Variants in PON3 observed in about 807,000 individuals in gnomAD.
The protein encoded by PON3 is serum paraoxonase/lactonase 3.
In PON3, 37 loss-of-function variants were observed where a neutral mutation model predicts 36.3. The observed-to-expected ratio is 1.02, with a 90% CI of 0.78 to 1.34. The LOEUF is 1.34. Among genes scored for constraint, PON3 ranks in the 40% most tolerant of loss-of-function variants. PON3 has a pLI of 0.00. For missense variants in PON3, 415 were observed against 426.5 expected (o/e 0.97, Z 0.24); for synonymous variants, 155 against 154.8 (o/e 1.00, Z -0.01).
chr7:95,377,190 G>T lies in PON3; in HGVS notation c.202-4852C>A, dbSNP rs143697147. ...CAACCTGCGATGCTGCAGCTTGGCA[G>T]GGGGAGGGGCATCCACCATTGCTGA... On this transcript the variant is annotated intron_variant, in intron 3 of 8. Coordinates refer to ENST00000265627, the MANE Select transcript of PON3 (RefSeq NM_000940.3). 4.5e-4 allele frequency among the ~76,000 whole-genome samples: 69 copies of T among 152,316 alleles called. No homozygotes were observed. The East Asian group carries it at 0.012, about 26-fold the overall frequency.
chr7:95,385,111 C>A (rs1809158670), intron 3 of PON3, among the ~76,000 whole-genome samples: 1 of 152,060 alleles, frequency 6.6e-6, no homozygotes, highest in Non-Finnish European at 1.5e-5. Flanking sequence ...GGACAAAAAA[C>A]CAAACACTGC....
chr7:95,378,272 G>A (rs146489613), intron 3 of PON3, among the ~76,000 whole-genome samples: 1,653 of 152,294 alleles, frequency 0.011, 28 homozygotes, highest in South Asian at 0.047. Flanking sequence ...CCAAATCTAC[G>A]TTTGATTGGT....
At chr7:95,368,367 T>G (rs1295433728) in intron 4 of PON3, among the ~76,000 whole-genome samples, 2 of 152,218 alleles carry the variant, frequency 1.3e-5, no homozygotes, top group Non-Finnish European at 2.9e-5. Flanking sequence ...TGAAACACAC[T>G]GGGCACTTTG....
chr7:95,364,228 A>G, intron 5 of PON3, 165 bp from the exon 6 acceptor site: 2 of 651,204 alleles, frequency 3.1e-6, no homozygotes, highest in Non-Finnish European at 2.7e-6. Context: ...ATGATTCTGC[A>G]TTGCCCTGAT....
intron 5 of PON3, chr7:95,364,457 T>C: frequency 3.5e-6 from 1 of 285,660 alleles, no homozygotes; most frequent in African/African-American, 2.2e-5. Context: ...GGCACAGCCA[T>C]GTGACTTGCT....
rs1717973057 is a variant in PON3 at position 95,372,319 on chromosome 7, A to G, written c.221T>C (p.Met74Thr). Residue 74 changes from methionine (M) to threonine (T), a missense_variant, in exon 4 of 9, where the codon ATG becomes ACG. By Grantham distance (81) the Met-to-Thr change is moderately conservative (BLOSUM62 -1). Coordinates refer to ENST00000265627, the MANE Select transcript of PON3 (RefSeq NM_000940.3). ...TGGTTCATCTGGCGCAAAGTTTGGC[A>G]TGCCTGGATATTTTAATCCCTTTTA... is the stretch of plus-strand genomic sequence containing the variant. Reference protein sequence around the residue: ...FISSGLKYPGMPNFAPDEPGK... With the variant: ...FISSGLKYPGTPNFAPDEPGK... 3.1e-6 allele frequency: 5 copies of G among 1,613,942 alleles called. No homozygotes were observed. Among genetic ancestry groups the G allele is most frequent in the Non-Finnish European group, 1.7e-6 (2 of 1,179,884 alleles).
In PON3 at chr7:95,395,639, T is replaced by C. The variant is rs190244844; in HGVS notation, c.74+638A>G. ...GAGGCTTTCGATCCACTCATGAATGTGTATTATCACTTAAAGGTTCTTCTT... is the reference window on the plus strand; with the variant it reads ...GAGGCTTTCGATCCACTCATGAATGCGTATTATCACTTAAAGGTTCTTCTT... On this transcript the variant is annotated intron_variant, in intron 1 of 8. Coordinates refer to ENST00000265627, the MANE Select transcript of PON3 (RefSeq NM_000940.3). Among the ~76,000 whole-genome samples, 585 of 152,284 alleles carry C rather than the reference T, an allele frequency of 3.8e-3. 2 individuals are homozygous for C. Among genetic ancestry groups the C allele is most frequent in the Non-Finnish European group, 5.6e-3 (384 of 68,036 alleles).
chr7:95,394,579 G>T, intron 2 of PON3, 65 bp downstream of exon 2: 3 of 1,408,208 alleles, frequency 2.1e-6, no homozygotes, highest in Non-Finnish European at 3.0e-6. Flanking sequence ...AGCTGGTAGG[G>T]CTCAGTCAGG....
intron 7 of PON3, 129 bp downstream of exon 7, chr7:95,362,631 C>G (rs951566374): frequency 1.4e-6 from 2 of 1,398,782 alleles, no homozygotes; most frequent in East Asian, 2.3e-5. Flanking sequence ...ATTTTAGAAA[C>G]GCATGCATAA....
chr7:95,367,119 G>A (rs1289164441), intron 5 of PON3, among the ~76,000 whole-genome samples: 1 of 152,162 alleles, frequency 6.6e-6, no homozygotes, highest in East Asian at 1.9e-4. Context: ...GAATTTAATT[G>A]AGCACCTTTA....
At chr7:95,387,434 C>A (rs543989856) in intron 3 of PON3, among the ~76,000 whole-genome samples, 2 of 152,132 alleles carry the variant, frequency 1.3e-5, no homozygotes, top group East Asian at 1.9e-4. Flanking sequence ...GGGATGTGAA[C>A]GACCTCTTCA....
intron 2 of PON3, among the ~76,000 whole-genome samples, chr7:95,394,060 C>A (rs1048288257): frequency 6.6e-6 from 1 of 151,994 alleles, no homozygotes; most frequent in Non-Finnish European, 1.5e-5. Flanking sequence ...CCAACATGCC[C>A]GGCTAATTGT....
At chr7:95,382,581 G>A (rs562678357) in intron 3 of PON3, among the ~76,000 whole-genome samples, 69 of 152,294 alleles carry the variant, frequency 4.5e-4, no homozygotes, top group Non-Finnish European at 7.8e-4. Flanking sequence ...ACACATCTAT[G>A]CAAATAAACT....
In PON3 at chr7:95,378,128, C is replaced by T. The variant is rs148435087; in HGVS notation, c.202-5790G>A. Among the ~76,000 whole-genome samples, 749 of 152,010 alleles carry T rather than the reference C, an allele frequency of 4.9e-3. 7 individuals are homozygous for T. The highest frequency in any genetic ancestry group is 0.015 in the African/African-American group (631 of 41,480). On this transcript the variant is annotated intron_variant, in intron 3 of 8. Coordinates refer to ENST00000265627, the MANE Select transcript of PON3 (RefSeq NM_000940.3). The stretch of plus-strand genomic sequence containing the variant: ...TCATGCATGCACAAGCTTCAATAGC[C>T]GATTTGATCAAGTGGAAGAAAGGAT...
intron 5 of PON3, among the ~76,000 whole-genome samples, chr7:95,366,555 C>A (rs999751868): frequency 2.0e-5 from 3 of 152,110 alleles, no homozygotes; most frequent in African/African-American, 7.2e-5. Flanking sequence ...GTTTTGGAGC[C>A]AGTTTTTTAA....
chr7:95,386,745 T>C (rs1231120387), intron 3 of PON3, among the ~76,000 whole-genome samples: 1 of 152,146 alleles, frequency 6.6e-6, no homozygotes, highest in Non-Finnish European at 1.5e-5. Context: ...AAAAAAATAC[T>C]GGCAAACCGA....
In PON3 at chr7:95,390,212, G is replaced by A; in HGVS notation, c.146-3C>T. 6.2e-7 allele frequency: 1 copy of A among 1,609,206 alleles called. No individual in the cohort carries two copies. The highest frequency in any genetic ancestry group is 8.5e-7 in the Non-Finnish European group (1 of 1,175,760). ...ATCAATATCTTCAGAGCCACTTTCTGCAAAAGAAGGGTAGAATCAGAAAAA... is the reference window on the plus strand; with the variant it reads ...ATCAATATCTTCAGAGCCACTTTCTACAAAAGAAGGGTAGAATCAGAAAAA... On this transcript the variant is annotated splice_region_variant and splice_polypyrimidine_tract_variant and intron_variant, in intron 2 of 8. Coordinates refer to ENST00000265627, the MANE Select transcript of PON3 (RefSeq NM_000940.3).
intron 2 of PON3, 65 bp downstream of exon 2, chr7:95,394,579 G>C: frequency 1.4e-6 from 2 of 1,408,214 alleles, no homozygotes; most frequent in Non-Finnish European, 2.0e-6. Context: ...AGCTGGTAGG[G>C]CTCAGTCAGG....
intron 3 of PON3, among the ~76,000 whole-genome samples, chr7:95,387,778 A>G (rs1809230320): frequency 6.6e-6 from 1 of 152,226 alleles, no homozygotes; most frequent in Non-Finnish European, 1.5e-5. Flanking sequence ...CTGGTACCAA[A>G]ACAGATATAT....
Sources: gnomAD v4.1 joint callset for allele counts (sites outside exome capture counted in the v4.1 genomes callset) on GRCh38, gnomAD v4.1.1 for gene constraint, MANE v1.5 for transcripts, NCBI Gene and HGNC (gene_info 2026-07-23, HGNC 2026-07-21) for gene names.